Variants in RPL3L observed in about 807,000 individuals in gnomAD.
RPL3L encodes the protein ribosomal protein uL3-like.
In RPL3L, 44 loss-of-function variants were observed where a neutral mutation model predicts 44.5. The observed-to-expected ratio is 0.99, with a 90% CI of 0.78 to 1.27. RPL3L has a LOEUF of 1.27. RPL3L is among the 50% of genes most tolerant of loss of function. The pLI, the probability that RPL3L is intolerant of heterozygous loss-of-function variation, is 0.00. For synonymous variants in RPL3L, 292 were observed against 230.7 expected, an observed-to-expected ratio of 1.27 and a Z score of -2.41; for missense variants, 631 against 569.1, an observed-to-expected ratio of 1.11 and a Z score of -1.11.
rs763424503 is a variant in RPL3L at position 1,944,712 on chromosome 16, C to T, written c.*125G>A. 8.5e-6 allele frequency: 10 copies of T among 1,175,436 alleles called. No individual in the cohort carries two copies. In the African/African-American group the frequency reaches 1.5e-4, roughly 18 times the overall value. The allele number at this position is 1,175,436 out of a possible 1,614,324, so 72.8% of individuals were successfully genotyped here. ...GAATCGGCTTTGTCTAGGCAGCAGGCAAGGTGAACCCCTTGGGCGGTTACA... is the reference window on the plus strand; with the variant it reads ...GAATCGGCTTTGTCTAGGCAGCAGGTAAGGTGAACCCCTTGGGCGGTTACA... On this transcript the variant is annotated 3_prime_UTR_variant, in exon 10 of 10. Coordinates refer to ENST00000268661, the MANE Select transcript of RPL3L (RefSeq NM_005061.3).
In RPL3L at chr16:1,946,873, T is replaced by G. The variant is rs890647496; in HGVS notation, c.849+65A>C. On this transcript the variant is annotated intron_variant, in intron 6 of 9. Coordinates refer to ENST00000268661, the MANE Select transcript of RPL3L (RefSeq NM_005061.3). ...TGTCTGGGTCATGCACCCCACCCAC[T>G]GAGGCCAGTACTGAGGGCTGGGGTC... 3 of 1,562,812 alleles carry G rather than the reference T, an allele frequency of 1.9e-6. No homozygotes were observed. In the East Asian group the frequency reaches 6.8e-5, roughly 35 times the overall value.
chr16:1,946,140 C>T (rs2083119481), intron 7 of RPL3L, among the ~76,000 whole-genome samples: 1 of 152,252 alleles, frequency 6.6e-6, no homozygotes, highest in African/African-American at 2.4e-5. Context: ...TCTCACTTGA[C>T]AGTCTGCATT....
In RPL3L at chr16:1,945,542, C is replaced by A. The variant is rs775028198; in HGVS notation, c.1124G>T (p.Gly375Val). ...TTGGGCTGTCTGGAAGCGGCCATGG[C>A]CGAACTTGGAGGTGGTGTCAATGAA... ...LKFIDTTSKFGHGRFQTAQEK... is the reference protein window; with the variant it reads ...LKFIDTTSKFVHGRFQTAQEK... Residue 375 changes from glycine (G) to valine (V), a missense_variant, in exon 9 of 10, where the codon GGC becomes GTC. Gly to Val is a moderately radical substitution (Grantham distance 109). Coordinates refer to ENST00000268661, the MANE Select transcript of RPL3L (RefSeq NM_005061.3). 6.2e-6 allele frequency: 10 copies of A among 1,613,562 alleles called. No individual in the cohort carries two copies. Among genetic ancestry groups the A allele is most frequent in the Non-Finnish European group, 7.6e-6 (9 of 1,179,926 alleles).
In RPL3L at chr16:1,944,760, A is replaced by G; in HGVS notation, c.*77T>C. On this transcript the variant is annotated 3_prime_UTR_variant, in exon 10 of 10. Transcript: ENST00000268661. ...ACACAGCGCTCTGAGACCTCGCAGG[A>G]AGAGTCGCCTCCGGCCTTTGTTAGA... The G allele has an allele frequency of 6.3e-7, 1 of 1,596,970 alleles. No homozygotes were observed. The highest frequency in any genetic ancestry group is 8.6e-7 in the Non-Finnish European group (1 of 1,164,978).
chr16:1,944,223 T>C lies in RPL3L; in HGVS notation c.*614A>G, dbSNP rs2083102841. 2 of 152,462 alleles carry C rather than the reference T, an allele frequency of 1.3e-5. No homozygotes were observed. The highest frequency in any genetic ancestry group is 1.9e-4 in the East Asian group (1 of 5,206). 9.4% of individuals were successfully genotyped at this position (152,462 alleles called of 1,614,324 possible). ...ACATTAGCCACAATATTGGGAATTATGGTTTAGGAGTCGTGCATCTGGAGG... is the reference window on the plus strand; with the variant it reads ...ACATTAGCCACAATATTGGGAATTACGGTTTAGGAGTCGTGCATCTGGAGG... On this transcript the variant is annotated 3_prime_UTR_variant, in exon 10 of 10. Coordinates refer to ENST00000268661, the MANE Select transcript of RPL3L (RefSeq NM_005061.3).
intron 9 of RPL3L, 56 bp from the exon 10 acceptor site, chr16:1,944,949 C>T (rs1597023962): frequency 4.3e-6 from 7 of 1,609,808 alleles, no homozygotes; most frequent in Non-Finnish European, 5.1e-6. Flanking sequence ...GAAACACGCC[C>T]TCCCCCAGCC....
At chr16:1,950,505 T>G (rs972653384) in intron 4 of RPL3L, among the ~76,000 whole-genome samples, 1 of 152,132 alleles carries the variant, frequency 6.6e-6, no homozygotes, top group Non-Finnish European at 1.5e-5. Flanking sequence ...CAGACCCATG[T>G]ACAAACACGG....
chr16:1,954,249 G>C (rs2083191849), intron 1 of RPL3L, 101 bp from the exon 2 acceptor site: 1 of 1,246,552 alleles, frequency 8.0e-7, no homozygotes, highest in Non-Finnish European at 1.1e-6. Flanking sequence ...ACAGGCTTCA[G>C]ACTGAGGCCT....
intron 4 of RPL3L, among the ~76,000 whole-genome samples, chr16:1,948,541 T>C (rs559039780): frequency 6.6e-6 from 1 of 151,904 alleles, no homozygotes; most frequent in African/African-American, 2.4e-5. Flanking sequence ...TATTTTTTTA[T>C]ATTTTTATTT....
intron 2 of RPL3L, among the ~76,000 whole-genome samples, chr16:1,953,355 G>A (rs1272073855): frequency 4.6e-5 from 7 of 152,116 alleles, no homozygotes; most frequent in African/African-American, 1.7e-4. Context: ...AAGTAGCTGC[G>A]ACTACAGGCA....
At chr16:1,952,826 C>CT (rs2083179368) in intron 3 of RPL3L, 48 bp downstream of exon 3, 4 of 1,604,228 alleles carry the variant, frequency 2.5e-6, no homozygotes, top group Non-Finnish European at 3.4e-6. Context: ...CACCCAACTT[C>CT]TGTGGTCCCA....
At chr16:1,944,991 G>GC (rs35814412) in intron 9 of RPL3L, 98 bp from the exon 10 acceptor site, 110,484 of 1,457,140 alleles carry the variant, frequency 0.076, 6,845 homozygotes, top group African/African-American at 0.3. Context: ...CGGCCCTACT[G>GC]CCCCCCTAAG....
intron 4 of RPL3L, among the ~76,000 whole-genome samples, chr16:1,949,555 AT>A (rs563038812): frequency 0.51 from 56,829 of 111,798 alleles, 13,443 homozygotes; most frequent in East Asian, 0.68. Flanking sequence ...GTCTGGCTTG[AT>A]TTTTTTTTTT....
At position 1,947,003 on chromosome 16, in the gene RPL3L, C is replaced by A; in HGVS notation, c.784G>T (p.Val262Leu). 1 of 1,611,796 alleles carries A rather than the reference C, an allele frequency of 6.2e-7. No individual in the cohort carries two copies. Among genetic ancestry groups the A allele is most frequent in the Non-Finnish European group, 8.5e-7 (1 of 1,179,608 alleles). ...ACIGAWHPARVGCSIARAGQK... is the reference protein window; with the variant it reads ...ACIGAWHPARLGCSIARAGQK... ...CCGGCCCGAGCAATGGAGCAGCCCA[C>A]GCGGGCGGGGTGCCAGGCGCCAATG... The change falls in exon 6 of 10, where the codon GTG (valine) becomes TTG (leucine). Residue 262 changes from valine to leucine, a missense_variant. Transcript: ENST00000268661.
Position 1,944,655 on chromosome 16 carries a change from C to G in RPL3L, c.*182G>C, listed in dbSNP as rs1567307867. On this transcript the variant is annotated 3_prime_UTR_variant, in exon 10 of 10. Transcript: ENST00000268661. The stretch of plus-strand genomic sequence containing the variant: ...CGCACAGCCAGCTCTGTGTGAATTA[C>G]TCTTTCTCTATTGCAATTCCCCTGT... 3.1e-6 allele frequency: 2 copies of G among 654,616 alleles called. No individual in the cohort carries two copies. The highest frequency in any genetic ancestry group is 5.4e-5 in the East Asian group (2 of 37,142). The allele number at this position is 654,616 out of a possible 1,614,324, so 40.6% of individuals were successfully genotyped here.
intron 4 of RPL3L, among the ~76,000 whole-genome samples, chr16:1,948,720 T>G (rs1389572430): frequency 1.3e-5 from 2 of 148,706 alleles, no homozygotes; most frequent in East Asian, 4.1e-4. Context: ...TGTTTGTTTG[T>G]TTGTTTGTTT....
rs149203472 is a variant in RPL3L at position 1,953,016 on chromosome 16, C to T, written c.223G>A (p.Ala75Thr). 3 of 1,603,200 alleles carry T rather than the reference C, an allele frequency of 1.9e-6. No individual in the cohort carries two copies. Among genetic ancestry groups the T allele is most frequent in the Admixed American group, 1.7e-5 (1 of 58,216 alleles). The change falls in exon 3 of 10, where the codon GCG becomes ACG. Residue 75 changes from alanine (A) to threonine (T), a missense_variant. By Grantham distance (58) the Ala-to-Thr change is moderately conservative (BLOSUM62 0). Transcript: ENST00000268661. ...GGCGGCGTTTCTACAATTGTCACCG[C>T]CTCCACCTCCTCCCGTTTGGAAATT... is the stretch of plus-strand genomic sequence containing the variant. ...LKISKREEVE[A>T]VTIVETPPLV...
chr16:1,952,883 T>C lies in RPL3L; in HGVS notation c.356A>G (p.Tyr119Cys), dbSNP rs867033079. The C allele has an allele frequency of 5.6e-6, 9 of 1,613,762 alleles. No individual in the cohort carries two copies. In the African/African-American group the frequency reaches 9.3e-5, roughly 17 times the overall value. Residue 119 changes from tyrosine to cysteine, a missense_variant, in exon 3 of 10, where the codon TAC becomes TGC. Physicochemically the swap from Tyr to Cys is radical, Grantham distance 194 (BLOSUM62 -2). Transcript: ENST00000268661. ...CAAGGGCGGTGCTCACCAGTCCTTG[T>C]AGAATCGGCGCCGGCACTCATCACT... is the stretch of plus-strand genomic sequence containing the variant. Reference protein sequence around the residue: ...HLSDECRRRFYKDWHKSKKKA... With the variant: ...HLSDECRRRFCKDWHKSKKKA...
chr16:1,946,174 A>C (rs1483721869), intron 7 of RPL3L, among the ~76,000 whole-genome samples: 1 of 152,240 alleles, frequency 6.6e-6, no homozygotes, highest in Admixed American at 6.5e-5. Flanking sequence ...ACTGAGGATC[A>C]GAGGAGTGGA....
Sources: allele counts gnomAD v4.1 joint callset (sites outside exome capture counted in the v4.1 genomes callset), GRCh38; gene constraint gnomAD v4.1.1; transcripts MANE v1.5; gene names NCBI Gene and HGNC (gene_info 2026-07-23, HGNC 2026-07-21).